COL4A4: variants seen among roughly 807,000 people sequenced by gnomAD.
COL4A4 encodes collagen alpha-4(IV) chain.
A neutral mutation model predicts 192.9 loss-of-function variants in COL4A4; 105 were observed. The observed-to-expected ratio is 0.54, with a 90% CI of 0.46 to 0.64. COL4A4 has a LOEUF of 0.64. Among genes scored for constraint, COL4A4 ranks in the 30% least tolerant of loss-of-function variants. The probability of loss-of-function intolerance (pLI) is 0.00; values close to 1 mark genes in which losing one functional copy is unlikely to be tolerated. For synonymous variants in COL4A4, 762 were observed against 769.9 expected (o/e 0.99, Z 0.17); for missense variants, 1,967 against 2,169.3 (o/e 0.91, Z 1.85).
chr2:227,068,165 C>A (rs2058469365), intron 25 of COL4A4, among the ~76,000 whole-genome samples: 1 of 149,124 alleles, frequency 6.7e-6, no homozygotes, highest in Non-Finnish European at 1.5e-5. Context: ...AAGACTAAAC[C>A]AGGAAGAAGT....
At chr2:227,094,028 A>G in intron 20 of COL4A4, 97 bp downstream of exon 20, 1 of 1,215,180 alleles carries the variant, frequency 8.2e-7, no homozygotes, top group Non-Finnish European at 1.2e-6. Context: ...AACATCATAT[A>G]ACTTTTAAAA....
intron 44 of COL4A4, among the ~76,000 whole-genome samples, chr2:227,014,360 T>A (rs928628243): frequency 4.6e-5 from 7 of 152,186 alleles, no homozygotes; most frequent in African/African-American, 1.7e-4. Context: ...ATGCTGCCAG[T>A]CCCAGGAACC....
chr2:226,997,598 C>G, the COL4A4 span: 1 of 152,282 alleles, frequency 6.6e-6, no homozygotes, highest in East Asian at 1.9e-4. Context: ...TATTAAGAGT[C>G]CAGTCACTGT....
intron 4 of COL4A4, 125 bp from the exon 5 acceptor site, chr2:227,121,273 A>C: frequency 8.9e-7 from 1 of 1,125,556 alleles, no homozygotes; most frequent in Non-Finnish European, 1.3e-6. Context: ...TAATAATAGA[A>C]ACAAATGGCT....
rs372524863 is a variant in COL4A4, at chr2:227,080,535, T to C, written c.1711A>G (p.Arg571Gly). The C allele has an allele frequency of 6.2e-7, 1 of 1,614,094 alleles. No individual in the cohort carries two copies. Among genetic ancestry groups the C allele is most frequent in the East Asian group, 2.2e-5 (1 of 44,870 alleles). Reference sequence around the variant, plus strand: ...AATCCTGGGGGCCCATCAGGACCTCTTTCTCCTTTGTGCCCTGGAAATAGA... The same window carrying C: ...AATCCTGGGGGCCCATCAGGACCTCCTTCTCCTTTGTGCCCTGGAAATAGA... ...VSRVKGHKGE[R>G]GPDGPPGFPG... is the part of the protein sequence containing the mutation. The change falls in exon 24 of 48, where the codon AGA becomes GGA. Residue 571 changes from arginine to glycine, a missense_variant. By Grantham distance (125) the Arg-to-Gly change is moderately radical. Transcript: ENST00000396625.
intron 24 of COL4A4, among the ~76,000 whole-genome samples, chr2:227,078,405 G>A (rs1380572883): frequency 6.6e-6 from 1 of 151,990 alleles, no homozygotes; most frequent in Non-Finnish European, 1.5e-5. Context: ...AGCTCACCTG[G>A]CTAATTTTTG....
intron 32 of COL4A4, among the ~76,000 whole-genome samples, chr2:227,051,435 A>G (rs767902886): frequency 1.8e-4 from 28 of 152,334 alleles, no homozygotes; most frequent in Non-Finnish European, 3.1e-4. Flanking sequence ...CTTACCCAGA[A>G]AAGTTAAAAT....
chr2:227,046,882 A>G (rs1972988817), intron 35 of COL4A4, among the ~76,000 whole-genome samples: 1 of 152,062 alleles, frequency 6.6e-6, no homozygotes, highest in African/African-American at 2.4e-5. Flanking sequence ...ATTCTGAAGG[A>G]TTCCATGTTA....
Position 227,108,817 on chromosome 2 carries a change from G to A in COL4A4, c.693+16C>T, listed in dbSNP as rs745976462. On this transcript the variant is annotated intron_variant, in intron 11 of 47. Transcript: ENST00000396625. ...GTTCAGGGCTCTATTGATGTATCTT[G>A]CTCATGACTGCCTACCTTCAAACCT... The A allele has an allele frequency of 1.2e-6, 2 of 1,610,632 alleles. No homozygotes were observed. Among genetic ancestry groups the A allele is most frequent in the South Asian group, 2.2e-5 (2 of 90,498 alleles).
At chr2:226,978,499 C>A in the COL4A4 span, among the ~76,000 whole-genome samples, 3 of 152,108 alleles carry the variant, frequency 2.0e-5, no homozygotes, top group Non-Finnish European at 2.9e-5. Context: ...AAGAAACTGC[C>A]CACCTACGTC....
At chr2:226,969,547 C>G in the COL4A4 span, among the ~76,000 whole-genome samples, 1 of 152,056 alleles carries the variant, frequency 6.6e-6, no homozygotes, top group East Asian at 1.9e-4. Flanking sequence ...TTCCAAGTTT[C>G]TTAGGTAATG....
intron 25 of COL4A4, among the ~76,000 whole-genome samples, chr2:227,072,782 CAT>C (rs2058797623): frequency 6.6e-6 from 1 of 151,946 alleles, no homozygotes. Context: ...ATCACATAAA[CAT>C]AATTAAAAAC....
intron 4 of COL4A4, among the ~76,000 whole-genome samples, chr2:227,122,841 T>C (rs2061871008): frequency 6.6e-6 from 1 of 151,928 alleles, no homozygotes; most frequent in Non-Finnish European, 1.5e-5. Flanking sequence ...ACACTTGGGG[T>C]GTCACTTTGT....
chr2:227,061,298 G>T (rs1976981911), intron 26 of COL4A4, among the ~76,000 whole-genome samples: 1 of 152,184 alleles, frequency 6.6e-6, no homozygotes, highest in Non-Finnish European at 1.5e-5. Flanking sequence ...TTGCCTTGTG[G>T]TGGGCGGAGT....
intron 43 of COL4A4, among the ~76,000 whole-genome samples, chr2:227,022,718 A>G (rs1297826451): frequency 1.3e-5 from 2 of 152,186 alleles, no homozygotes; most frequent in Non-Finnish European, 2.9e-5. Flanking sequence ...GGACTTATCC[A>G]GGGGAGTCAT....
At chr2:227,041,848 G>GAGAGAGAGAGAGAGAGAA (rs1971305412) in intron 37 of COL4A4, among the ~76,000 whole-genome samples, 3 of 38,732 alleles carry the variant, frequency 7.7e-5, no homozygotes, top group African/African-American at 2.5e-4. Flanking sequence ...AAGAAAGAAA[G>GAGAGAGAGAGAGAGAGAA]AGAAAGAAAG....
chr2:227,022,346 G>T (rs1233288425), intron 43 of COL4A4, among the ~76,000 whole-genome samples, 173 bp from the exon 44 acceptor site: 1 of 152,210 alleles, frequency 6.6e-6, no homozygotes, highest in East Asian at 1.9e-4. Flanking sequence ...TAAGTTCCAT[G>T]AAGGCAGAAA....
chr2:227,014,132 AC>A (rs1964391363), intron 44 of COL4A4, among the ~76,000 whole-genome samples: 1 of 152,098 alleles, frequency 6.6e-6, no homozygotes, highest in African/African-American at 2.4e-5. Flanking sequence ...GCCTAGAGCA[AC>A]CCTGGACTCA....
chr2:227,147,775 T>A lies in COL4A4; in HGVS notation c.-101-191A>T, dbSNP rs17302501. On this transcript the variant is annotated intron_variant, in intron 1 of 47. Coordinates refer to ENST00000396625, the MANE Select transcript of COL4A4 (RefSeq NM_000092.5). ...AAAAAATCTTCAAACCCTTTCTATATCATGAATATATTTTTGATAAATGGA... is the reference window on the plus strand; with the variant it reads ...AAAAAATCTTCAAACCCTTTCTATAACATGAATATATTTTTGATAAATGGA... Among the ~76,000 whole-genome samples the A allele has an allele frequency of 0.089, 13,366 of 150,762 alleles. 1,912 individuals carry two copies. Among genetic ancestry groups the A allele is most frequent in the African/African-American group, 0.31 (12,636 of 41,182 alleles).
Sources: allele counts gnomAD v4.1 joint callset (sites outside exome capture counted in the v4.1 genomes callset), GRCh38; gene constraint gnomAD v4.1.1; transcripts MANE v1.5; gene names NCBI Gene and HGNC (gene_info 2026-07-23, HGNC 2026-07-21).